The following RBFA variants were observed in gnomAD, a reference collection of about 807,000 sequenced individuals.
RBFA encodes the protein putative ribosome-binding factor A, mitochondrial.
Under a neutral mutation model 27.9 loss-of-function variants are expected in RBFA, and 16 were observed. That is an observed-to-expected ratio of 0.57 (90% confidence interval 0.39 to 0.87). The LOEUF (loss-of-function observed/expected upper bound fraction) is 0.87, where lower values mean the gene tolerates loss of function less well. Among genes scored for constraint, RBFA ranks in the 40% least tolerant of loss-of-function variants. RBFA has a pLI of 0.00. For synonymous variants in RBFA, 181 were observed against 181.0 expected, an observed-to-expected ratio of 1.00 and a Z score of 0.00; for missense variants, 456 against 432.1, an observed-to-expected ratio of 1.06 and a Z score of -0.49.
At chr18:80,039,365 A>G (rs1316675532) in intron 4 of RBFA, among the ~76,000 whole-genome samples, 1 of 152,230 alleles carries the variant, frequency 6.6e-6, no homozygotes, top group Non-Finnish European at 1.5e-5. Context: ...CAGTTTATCA[A>G]AAATTATTAA....
At chr18:80,042,565 T>TAAA (rs942298604) in intron 5 of RBFA, among the ~76,000 whole-genome samples, 9 of 152,062 alleles carry the variant, frequency 5.9e-5, no homozygotes, top group African/African-American at 2.2e-4. Flanking sequence ...GGTCAGGAGT[T>TAAA]AGAGACTAGC....
intron 5 of RBFA, among the ~76,000 whole-genome samples, 197 bp from the exon 6 acceptor site, chr18:80,044,015 T>C (rs1203811158): frequency 6.6e-6 from 1 of 152,252 alleles, no homozygotes; most frequent in Admixed American, 6.5e-5. Flanking sequence ...AAATGTGTTA[T>C]GTTAAAGTAA....
In RBFA at chr18:80,044,325, A is replaced by G. The variant is rs762008519; in HGVS notation, c.650+40A>G. On this transcript the variant is annotated intron_variant, in intron 6 of 6. Transcript: ENST00000306735. ...CATATGTTTTGATTCCCTGGGGTAC[A>G]TTCCTGGGTGTGGAATCACCATTTT... 8 of 1,549,470 alleles carry G rather than the reference A, an allele frequency of 5.2e-6. No homozygotes were observed. The highest frequency in any genetic ancestry group is 3.3e-5 in the South Asian group (3 of 89,786).
At chr18:80,041,995 G>T in intron 4 of RBFA, 140 bp from the exon 5 acceptor site, 1 of 379,618 alleles carries the variant, frequency 2.6e-6, no homozygotes, top group Non-Finnish European at 4.6e-6. Flanking sequence ...CAAAGTGCTG[G>T]GATTACAGGC....
Position 80,039,570 on chromosome 18 carries a change from A to G in RBFA, c.491+953A>G, listed in dbSNP as rs149258918. ...ACCACTCCGGAGCAAACAACAGACC[A>G]TATCTGTTGCCAGTGATAAAATTTA... On this transcript the variant is annotated intron_variant, in intron 4 of 6. Coordinates refer to ENST00000306735, the MANE Select transcript of RBFA (RefSeq NM_024805.3). Among the ~76,000 whole-genome samples the G allele has an allele frequency of 3.9e-3, 601 of 152,352 alleles. 1 individual carries two copies. The highest frequency in any genetic ancestry group is 0.013 in the African/African-American group (553 of 41,578).
chr18:80,043,184 T>C (rs1215660430), intron 5 of RBFA, among the ~76,000 whole-genome samples: 6 of 152,214 alleles, frequency 3.9e-5, no homozygotes, highest in Non-Finnish European at 8.8e-5. Flanking sequence ...TATTAAGATA[T>C]GTTATACCTT....
Position 80,034,533 on chromosome 18 carries a change from C to G in RBFA, c.38C>G (p.Ala13Gly), listed in dbSNP as rs1328659684. Residue 13 changes from alanine to glycine, a missense_variant, in exon 1 of 7, where the codon GCG becomes GGG. Physicochemically the swap from Ala to Gly is moderately conservative, Grantham distance 60 (BLOSUM62 0). Coordinates refer to ENST00000306735, the MANE Select transcript of RBFA (RefSeq NM_024805.3). ...GCGGGCGGGCTGTGGCGCTCCCGCG[C>G]GGGTCTCCGGGCCCTGTTCCGTAGC... ...AAAGGLWRSR[A>G]GLRALFRSRD... 6 of 1,589,440 alleles carry G rather than the reference C, an allele frequency of 3.8e-6. No homozygotes were observed. Among genetic ancestry groups the G allele is most frequent in the Non-Finnish European group, 5.1e-6 (6 of 1,172,752 alleles).
Position 80,048,230 on chromosome 18 carries a change from A to G in RBFA, c.*2075A>G, listed in dbSNP as rs1384369487. ...GCACTGCCGGGCTGGGAACAGGGCC[A>G]GTGCTTGCACCAGCGCTGGAGGGGG... On this transcript the variant is annotated 3_prime_UTR_variant, in exon 7 of 7. Coordinates refer to ENST00000306735, the MANE Select transcript of RBFA (RefSeq NM_024805.3). The G allele has an allele frequency of 2.6e-5, 4 of 152,386 alleles. No homozygotes were observed. Among genetic ancestry groups the G allele is most frequent in the African/African-American group, 9.6e-5 (4 of 41,476 alleles). 9.4% of individuals were successfully genotyped at this position (152,386 alleles called of 1,614,324 possible).
In RBFA at chr18:80,049,177, T is replaced by G. The variant is rs1384059511; in HGVS notation, c.*3022T>G. ...TCCGCGGCCTTCCCTGGGAGCGGGT[T>G]AGGGACACGGAAGCTCACCCCCTTC... On this transcript the variant is annotated 3_prime_UTR_variant, in exon 7 of 7. Coordinates refer to ENST00000306735, the MANE Select transcript of RBFA (RefSeq NM_024805.3). Among the ~76,000 whole-genome samples the G allele has an allele frequency of 6.6e-6, 1 of 151,170 alleles. No homozygotes were observed. Among genetic ancestry groups the G allele is most frequent in the African/African-American group, 2.4e-5 (1 of 40,968 alleles).
rs374642608 is a variant in RBFA at position 80,047,683 on chromosome 18, G to A, written c.*1528G>A. On this transcript the variant is annotated 3_prime_UTR_variant, in exon 7 of 7. Transcript: ENST00000306735. ...AGGATAGACAAAACCCCACATGATG[G>A]TATGAGTAGGAGAGAGAAAAAAAAA... Among the ~76,000 whole-genome samples, 22 of 139,262 alleles carry A rather than the reference G, an allele frequency of 1.6e-4. No homozygotes were observed. In the South Asian group the frequency reaches 5.6e-3, roughly 35 times the overall value. The allele number at this position is 139,262 out of a possible 152,430, so 91.4% of individuals were successfully genotyped here.
intron 6 of RBFA, 132 bp downstream of exon 6, chr18:80,044,417 G>A (rs1568389691): frequency 1.2e-6 from 1 of 803,894 alleles, no homozygotes; most frequent in Non-Finnish European, 2.1e-6. Context: ...TGCCTCCAGG[G>A]CCGGCAATCC....
At chr18:80,035,699 AGT>A (rs1163337304) in intron 1 of RBFA, 1 of 152,118 alleles carries the variant, frequency 6.6e-6, no homozygotes. Context: ...ATGCCTAATG[AGT>A]GGGGAATTTT....
rs1325559922 is a variant in RBFA at position 80,046,207 on chromosome 18, A to G, written c.*52A>G. ...TTGCAGGGAAAAGCATTGGCACGCA[A>G]CGCAGCATGTGGCTTCATTGAGGCA... On this transcript the variant is annotated 3_prime_UTR_variant, in exon 7 of 7. Transcript: ENST00000306735. 5 of 1,571,318 alleles carry G rather than the reference A, an allele frequency of 3.2e-6. No homozygotes were observed. The East Asian group carries it at 6.8e-5, about 21-fold the overall frequency.
intron 3 of RBFA, 85 bp from the exon 4 acceptor site, chr18:80,038,420 A>C: frequency 2.2e-6 from 2 of 910,378 alleles, no homozygotes; most frequent in South Asian, 1.6e-5. Context: ...GGGCGTCTGC[A>C]GCTGTCGTTT....
intron 4 of RBFA, among the ~76,000 whole-genome samples, chr18:80,038,940 G>T (rs1332628438): frequency 6.6e-6 from 1 of 152,216 alleles, no homozygotes; most frequent in East Asian, 1.9e-4. Flanking sequence ...GAAGACTGCT[G>T]GTGCCATGCT....
At chr18:80,035,362 T>A (rs2051970658) in intron 1 of RBFA, 1 of 152,434 alleles carries the variant, frequency 6.6e-6, no homozygotes, top group Non-Finnish European at 1.5e-5. Context: ...CACGTTACAT[T>A]GAATTGTCTT....
At chr18:80,042,683 A>G (rs11660699) in intron 5 of RBFA, among the ~76,000 whole-genome samples, 71,470 of 151,758 alleles carry the variant, frequency 0.47, 17,615 homozygotes, top group East Asian at 0.77. Flanking sequence ...AGGCAGAAGA[A>G]TCAGTTGAAC....
chr18:80,035,291 T>C (rs1204411242), intron 1 of RBFA: 1 of 152,438 alleles, frequency 6.6e-6, no homozygotes, highest in Admixed American at 6.5e-5. Flanking sequence ...GCTCATACTT[T>C]ATTCACTTTT....
chr18:80,038,525 C>T lies in RBFA; in HGVS notation c.399C>T (p.Phe133=). 1 of 1,613,466 alleles carries T rather than the reference C, an allele frequency of 6.2e-7. No individual in the cohort carries two copies. ...CTCAGGTTTCCCTGACTCCAGACTTCTCAGCCTGCCGAGCGTACTGGAAGA... is the reference window on the plus strand; with the variant it reads ...CTCAGGTTTCCCTGACTCCAGACTTTTCAGCCTGCCGAGCGTACTGGAAGA... The part of the protein sequence containing the change: ...ELSKVSLTPD[F]SACRAYWKTT... Residue 133 remains phenylalanine, a synonymous_variant, in exon 4 of 7, where the codon TTC becomes TTT. Transcript: ENST00000306735.
Sources: gnomAD v4.1 joint callset for allele counts (sites outside exome capture counted in the v4.1 genomes callset) on GRCh38, gnomAD v4.1.1 for gene constraint, MANE v1.5 for transcripts, NCBI Gene and HGNC (gene_info 2026-07-23, HGNC 2026-07-21) for gene names.